The following FGFR4 variants were observed in gnomAD, a reference collection of about 807,000 sequenced individuals.
FGFR4 encodes hydroxyaryl-protein kinase.
FGFR4 carries 63 observed loss-of-function variants against 89.9 expected under a neutral mutation model. The ratio of observed to expected loss-of-function variants is 0.70; its 90% CI spans 0.57 to 0.86. FGFR4 has a LOEUF of 0.86. Among genes scored for constraint, FGFR4 ranks in the 40% least tolerant of loss-of-function variants. FGFR4 has a pLI of 0.00. For missense variants in FGFR4, 928 were observed against 1,106.7 expected (o/e 0.84, Z 2.29); for synonymous variants, 486 against 479.4 (o/e 1.01, Z -0.18).
chr5:177,092,955 C>G, intron 8 of FGFR4, 171 bp downstream of exon 8: 5 of 1,287,766 alleles, frequency 3.9e-6, no homozygotes, highest in Non-Finnish European at 5.5e-6. Flanking sequence ...CCTCTCCACA[C>G]GTGGCCGTCC....
At position 177,092,505 on chromosome 5, in the gene FGFR4, C is replaced by T. The variant is rs542002896; in HGVS notation, c.912C>T (p.Val304=). Residue 304 remains valine (V), a synonymous_variant, in exon 7 of 18, where the codon GTC becomes GTT. Transcript: ENST00000292408. ...FGADGFPYVQ[V]LKTADINSSE... is the part of the protein sequence containing the mutation. ...CCGACGGTTTCCCCTATGTGCAAGT[C>T]CTAAAGGTAAAAGGTGCACCCTGCT... 4 of 1,581,614 alleles carry T rather than the reference C, an allele frequency of 2.5e-6. No homozygotes were observed. Among genetic ancestry groups the T allele is most frequent in the Non-Finnish European group, 3.4e-6 (4 of 1,161,916 alleles).
At position 177,095,634 on chromosome 5, in the gene FGFR4, C is replaced by A. The variant is rs756085498; in HGVS notation, c.1732C>A (p.Arg578=). ...CCCCGACCTCAGCCCCGACGGTCCT[C>A]GGAGCAGTGAGGGGCCGCTCTCCTT... ...PGPDLSPDGP[R]SSEGPLSFPV... Residue 578 remains arginine, a synonymous_variant, in exon 13 of 18, where the codon CGG becomes AGG. Transcript: ENST00000292408. This position sits in a 1 kb window ranked among gnomAD's most constrained non-coding sequence, Gnocchi z 5.7. The A allele has an allele frequency of 6.2e-7, 1 of 1,606,232 alleles. No individual in the cohort carries two copies. Among genetic ancestry groups the A allele is most frequent in the South Asian group, 1.1e-5 (1 of 89,816 alleles).
Position 177,092,497 on chromosome 5 carries a change from G to T in FGFR4, c.904G>T (p.Val302Leu). 6.3e-7 allele frequency: 1 copy of T among 1,588,036 alleles called. No individual in the cohort carries two copies. Among genetic ancestry groups the T allele is most frequent in the Non-Finnish European group, 8.6e-7 (1 of 1,166,458 alleles). Residue 302 changes from valine to leucine, a missense_variant, in exon 7 of 18, where the codon GTG becomes TTG. Transcript: ENST00000292408. ...CTTCGGAGCCGACGGTTTCCCCTATGTGCAAGTCCTAAAGGTAAAAGGTGC... is the reference window on the plus strand; with the variant it reads ...CTTCGGAGCCGACGGTTTCCCCTATTTGCAAGTCCTAAAGGTAAAAGGTGC... ...SSFGADGFPY[V>L]QVLKTADINS...
chr5:177,092,818 A>G, intron 8 of FGFR4, 34 bp downstream of exon 8: 1 of 1,614,042 alleles, frequency 6.2e-7, no homozygotes, highest in Non-Finnish European at 8.5e-7. Context: ...ATGCTGCGAG[A>G]TGCCCCTCTG....
In FGFR4 at chr5:177,089,630, G is replaced by A. The variant is rs1966265; in HGVS notation, c.28G>A (p.Val10Ile). Reference sequence around the variant, plus strand: ...GCGGCTGCTGCTGGCCCTGTTGGGGGTCCTGCTGAGTGTGCCTGGGCCTCC... The same window carrying A: ...GCGGCTGCTGCTGGCCCTGTTGGGGATCCTGCTGAGTGTGCCTGGGCCTCC... The part of the protein sequence containing the change: MRLLLALLG[V>I]LLSVPGPPVL... Residue 10 changes from valine to isoleucine, a missense_variant, in exon 2 of 18, where the codon GTC becomes ATC. Coordinates refer to ENST00000292408, the MANE Select transcript of FGFR4 (RefSeq NM_213647.3). 384,854 of 1,613,302 alleles carry A rather than the reference G, an allele frequency of 0.24. 50,228 individuals are homozygous for A. Among genetic ancestry groups the A allele is most frequent in the East Asian group, 0.53 (23,972 of 44,844 alleles).
rs2149735108 is a variant in FGFR4 at position 177,093,189 on chromosome 5, T to C, written c.1109T>C (p.Ile370Thr). The C allele has an allele frequency of 6.2e-7, 1 of 1,613,782 alleles. No individual in the cohort carries two copies. Among genetic ancestry groups the C allele is most frequent in the Non-Finnish European group, 8.5e-7 (1 of 1,179,734 alleles). ...AAAPEARYTD[I>T]ILYASGSLAL... Reference sequence around the variant, plus strand: ...GCGCCCGAGGCCAGGTATACGGACATCATCCTGTACGCGTCGGGCTCCCTG... The same window carrying C: ...GCGCCCGAGGCCAGGTATACGGACACCATCCTGTACGCGTCGGGCTCCCTG... Residue 370 changes from isoleucine (I) to threonine (T), a missense_variant, in exon 9 of 18, where the codon ATC becomes ACC. By Grantham distance (89) the Ile-to-Thr change is moderately conservative (BLOSUM62 -1). Coordinates refer to ENST00000292408, the MANE Select transcript of FGFR4 (RefSeq NM_213647.3). This position sits in a 1 kb window ranked among gnomAD's most constrained non-coding sequence, Gnocchi z 5.8.
At position 177,095,486 on chromosome 5, in the gene FGFR4, G is replaced by A; in HGVS notation, c.1630+46G>A. On this transcript the variant is annotated intron_variant, in intron 12 of 17. Transcript: ENST00000292408. The surrounding 1 kb of genome is among the most constrained non-coding windows in gnomAD (Gnocchi z 5.7). Reference sequence around the variant, plus strand: ...GCTGCACGGGCCGTTAGGGTGCAGAGCCAAAGCTTTGGCAGCCTCTCCACG... The same window carrying A: ...GCTGCACGGGCCGTTAGGGTGCAGAACCAAAGCTTTGGCAGCCTCTCCACG... 1 of 1,613,554 alleles carries A rather than the reference G, an allele frequency of 6.2e-7. No homozygotes were observed. Among genetic ancestry groups the A allele is most frequent in the Non-Finnish European group, 8.5e-7 (1 of 1,179,762 alleles).
Position 177,095,686 on chromosome 5 carries a change from AG to A in FGFR4, c.1786del (p.Val596TrpfsTer25), listed in dbSNP as rs1376634251. 2 of 1,608,944 alleles carry A rather than the reference AG, an allele frequency of 1.2e-6. No individual in the cohort carries two copies. Among genetic ancestry groups the A allele is most frequent in the Non-Finnish European group, 1.7e-6 (2 of 1,178,908 alleles). ...SFPVLVSCAY[Q>X]VARGMQYLES... The stretch of plus-strand genomic sequence containing the variant: ...CCAGTCCTGGTCTCCTGCGCCTACC[AG>A]GTGGCCCGAGGCATGCAGTATCTGG... On this transcript the variant is annotated frameshift_variant, in exon 13 of 18. Coordinates refer to ENST00000292408, the MANE Select transcript of FGFR4 (RefSeq NM_213647.3). LOFTEE classifies it high-confidence loss of function. This position sits in a 1 kb window ranked among gnomAD's most constrained non-coding sequence, Gnocchi z 5.7.
At chr5:177,096,917 T>TCTTCCTCCTCCTCC (rs1784599053) in intron 16 of FGFR4, among the ~76,000 whole-genome samples, 176 bp downstream of exon 16, 27 of 18,394 alleles carry the variant, frequency 1.5e-3, no homozygotes, top group East Asian at 4.5e-3. Flanking sequence ...CCTCCTCCTC[T>TCTTCCTCCTCCTCC]TCCTCCTCCT....
At position 177,097,556 on chromosome 5, in the gene FGFR4, C is replaced by T. The variant is rs757657596; in HGVS notation, c.2289C>T (p.Pro763=). The T allele has an allele frequency of 3.7e-6, 6 of 1,613,880 alleles. No individual in the cohort carries two copies. The highest frequency in any genetic ancestry group is 5.1e-6 in the Non-Finnish European group (6 of 1,179,982). Residue 763 remains proline (P), a synonymous_variant, in exon 18 of 18, where the codon CCC becomes CCT. Coordinates refer to ENST00000292408, the MANE Select transcript of FGFR4 (RefSeq NM_213647.3). The stretch of plus-strand genomic sequence containing the variant: ...TCGACCTCCGCCTGACCTTCGGACC[C>T]TATTCCCCCTCTGGTGGGGACGCCA... ...EYLDLRLTFG[P]YSPSGGDASS...
At position 177,097,547 on chromosome 5, in the gene FGFR4, C is replaced by T; in HGVS notation, c.2280C>T (p.Thr760=). ...VSEEYLDLRL[T]FGPYSPSGGD... is the part of the protein sequence containing the mutation. ...CACAGTACCTCGACCTCCGCCTGACCTTCGGACCCTATTCCCCCTCTGGTG... is the reference window on the plus strand; with the variant it reads ...CACAGTACCTCGACCTCCGCCTGACTTTCGGACCCTATTCCCCCTCTGGTG... The change falls in exon 18 of 18, where the codon ACC becomes ACT. Residue 760 remains threonine (T), a synonymous_variant. Transcript: ENST00000292408. 6.2e-7 allele frequency: 1 copy of T among 1,613,978 alleles called. No homozygotes were observed. Among genetic ancestry groups the T allele is most frequent in the Non-Finnish European group, 8.5e-7 (1 of 1,179,960 alleles).
rs1241169717 is a variant in FGFR4 at position 177,093,651 on chromosome 5, C to T, written c.1398-3C>T. On this transcript the variant is annotated splice_region_variant and splice_polypyrimidine_tract_variant and intron_variant, in intron 10 of 17. Transcript: ENST00000292408. This position sits in a 1 kb window ranked among gnomAD's most constrained non-coding sequence, Gnocchi z 5.8. ...TCTGAGGCTGGACTTTCTCCATCTC[C>T]AGGCTGGTGCTTGGGAAGCCCCTAG... The T allele has an allele frequency of 6.2e-7, 1 of 1,614,086 alleles. No homozygotes were observed. Among genetic ancestry groups the T allele is most frequent in the African/African-American group, 1.3e-5 (1 of 74,950 alleles).
chr5:177,095,261 C>T lies in FGFR4; in HGVS notation c.1520-69C>T, dbSNP rs1030160705. ...CCCTGGTCCAGTGCTGCTTGTCCTG[C>T]ACCTGCCTCTGCATGCTCCCTCGTG... On this transcript the variant is annotated intron_variant, in intron 11 of 17. Coordinates refer to ENST00000292408, the MANE Select transcript of FGFR4 (RefSeq NM_213647.3). The surrounding 1 kb of genome is among the most constrained non-coding windows in gnomAD (Gnocchi z 5.7). The T allele has an allele frequency of 1.5e-6, 2 of 1,296,152 alleles. No individual in the cohort carries two copies. The highest frequency in any genetic ancestry group is 2.9e-5 in the African/African-American group (2 of 68,616). 80.3% of individuals were successfully genotyped at this position (1,296,152 alleles called of 1,614,324 possible). A position where few individuals can be genotyped will look rare whatever the true frequency, so the allele number is the denominator to read the frequency against.
At chr5:177,091,137 C>A in intron 5 of FGFR4, 33 bp downstream of exon 5, 1 of 1,511,774 alleles carries the variant, frequency 6.6e-7, no homozygotes. Context: ...CGTCTGCTCC[C>A]CCATTTTCAT....
In FGFR4 at chr5:177,091,088, G is replaced by T; in HGVS notation, c.587G>T (p.Arg196Leu). The part of the protein sequence containing the change: ...KDGQAFHGEN[R>L]IGGIRLRHQH... ...GGACAGGCCTTTCATGGGGAGAACC[G>T]CATTGGAGGCATTCGGGTGAGTCTC... The change falls in exon 5 of 18, where the codon CGC (arginine) becomes CTC (leucine). Residue 196 changes from arginine (R) to leucine (L), a missense_variant. This residue lies in a region of FGFR4 where 741 missense variants were observed against 836.9 expected (regional missense o/e 0.89). Transcript: ENST00000292408. 6.3e-7 allele frequency: 1 copy of T among 1,581,588 alleles called. No homozygotes were observed. Among genetic ancestry groups the T allele is most frequent in the Non-Finnish European group, 8.6e-7 (1 of 1,156,556 alleles).
At chr5:177,096,457 G>A (rs1171162830) in intron 15 of FGFR4, 100 bp downstream of exon 15, 2 of 1,548,902 alleles carry the variant, frequency 1.3e-6, no homozygotes, top group Non-Finnish European at 1.8e-6. Context: ...GGCTCCTTCA[G>A]ATTTGGTCTG....
In FGFR4 at chr5:177,095,674, C is replaced by T. The variant is rs34138361; in HGVS notation, c.1772C>T (p.Ser591Phe). Residue 591 changes from serine (S) to phenylalanine (F), a missense_variant, in exon 13 of 18, where the codon TCC (serine) becomes TTC (phenylalanine). Physicochemically the swap from Ser to Phe is radical, Grantham distance 155 (BLOSUM62 -2). Transcript: ENST00000292408. This position sits in a 1 kb window ranked among gnomAD's most constrained non-coding sequence, Gnocchi z 5.7. ...EGPLSFPVLV[S>F]CAYQVARGMQ... ...CCGCTCTCCTTCCCAGTCCTGGTCT[C>T]CTGCGCCTACCAGGTGGCCCGAGGC... 7.4e-4 allele frequency: 1,192 copies of T among 1,609,414 alleles called. 9 individuals are homozygous for T. The highest frequency in any genetic ancestry group is 3.7e-3 in the African/African-American group (278 of 74,970).
rs866469187 is a variant in FGFR4 at position 177,097,763 on chromosome 5, T to C, written c.*87T>C. The C allele has an allele frequency of 6.6e-7, 1 of 1,510,506 alleles. No homozygotes were observed. Among genetic ancestry groups the C allele is most frequent in the South Asian group, 1.3e-5 (1 of 78,538 alleles). The allele number at this position is 1,510,506 out of a possible 1,614,324, so 93.6% of individuals were successfully genotyped here. ...AGCCTGACACAGTGCTCGACCTTGA[T>C]AGCATGGGGCCCCTGGCCCAGAGTT... On this transcript the variant is annotated 3_prime_UTR_variant, in exon 18 of 18. Coordinates refer to ENST00000292408, the MANE Select transcript of FGFR4 (RefSeq NM_213647.3).
In FGFR4 at chr5:177,087,771, G is replaced by A; in HGVS notation, c.-54+694G>A. ...TCCGACTGGATTCGAGAGTTGAGGT[G>A]GGCCAGAGACAGCAGTATCTGAGTC... On this transcript the variant is annotated intron_variant, in intron 1 of 17. Coordinates refer to ENST00000292408, the MANE Select transcript of FGFR4 (RefSeq NM_213647.3). The surrounding 1 kb of genome is among the most constrained non-coding windows in gnomAD (Gnocchi z 6.1). The A allele has an allele frequency of 2.6e-6, 1 of 388,240 alleles. No homozygotes were observed. The highest frequency in any genetic ancestry group is 3.5e-6 in the Non-Finnish European group (1 of 284,332). The allele number at this position is 388,240 out of a possible 1,614,324, so 24.0% of individuals were successfully genotyped here.
Sources: allele counts gnomAD v4.1 joint callset (sites outside exome capture counted in the v4.1 genomes callset), GRCh38; gene constraint gnomAD v4.1.1; regional missense constraint gnomAD v4.1.1; non-coding constraint Gnocchi (gnomAD v3.1); transcripts MANE v1.5; gene names NCBI Gene and HGNC (gene_info 2026-07-23, HGNC 2026-07-21).